SYNE2: variants seen among roughly 807,000 people sequenced by gnomAD.
SYNE2 encodes the protein spectrin repeat containing nuclear envelope protein 2, also known as nesprin-2.
Under a neutral mutation model 856.3 loss-of-function variants are expected in SYNE2, and 431 were observed. That is an observed-to-expected ratio of 0.50 (90% CI 0.47 to 0.55). The LOEUF (loss-of-function observed/expected upper bound fraction) is 0.55, where lower values mean the gene tolerates loss of function less well. SYNE2 is among the 20% of genes least tolerant of loss of function. SYNE2 has a pLI of 0.00. For synonymous variants in SYNE2, 2,923 were observed against 2,872.3 expected, an observed-to-expected ratio of 1.02 and a Z score of -0.56; for missense variants, 8,129 against 8,023.2, an observed-to-expected ratio of 1.01 and a Z score of -0.50.
Position 64,087,093 on chromosome 14 carries a change from T to TAAAA in SYNE2, c.11485-562_11485-559dup, listed in dbSNP as rs56917782. On this transcript the variant is annotated intron_variant, in intron 57 of 115. Coordinates refer to ENST00000555002, the MANE Select transcript of SYNE2 (RefSeq NM_182914.3). ...TGATGCTGTTGTCAGTGATAATTGG[T>TAAAA]AAAAAAAAAAAAAAAAAAAGCATTG... Among the ~76,000 whole-genome samples the TAAAA allele has an allele frequency of 4.5e-3, 441 of 98,422 alleles. 10 individuals carry two copies. Among genetic ancestry groups the TAAAA allele is most frequent in the African/African-American group, 0.012 (336 of 27,056 alleles). The allele number at this position is 98,422 out of a possible 152,430, so 64.6% of individuals were successfully genotyped here.
chr14:64,006,165 G>GTGAGCAGTTT (rs574363416), intron 30 of SYNE2, among the ~76,000 whole-genome samples: 47 of 152,344 alleles, frequency 3.1e-4, no homozygotes, highest in African/African-American at 1.1e-3. Context: ...AGTAGAGGCT[G>GTGAGCAGTTT]TGAGCAGTTT....
intron 107 of SYNE2, 49 bp from the exon 108 acceptor site, chr14:64,216,199 C>G (rs1249978932): frequency 6.2e-7 from 1 of 1,612,228 alleles, no homozygotes; most frequent in Admixed American, 1.7e-5. Context: ...TCACCCGTGA[C>G]CCGTTCAGTA....
intron 8 of SYNE2, among the ~76,000 whole-genome samples, chr14:63,955,568 AT>A (rs1284005877): frequency 6.6e-6 from 1 of 152,196 alleles, no homozygotes; most frequent in Non-Finnish European, 1.5e-5. Context: ...ATAGAGGTAT[AT>A]GGGATTAGTG....
In SYNE2 at chr14:64,212,975, G is replaced by T; in HGVS notation, c.19026G>T (p.Arg6342=). The change falls in exon 105 of 116, where the codon CGG becomes CGT. Residue 6342 remains arginine, a synonymous_variant. Transcript: ENST00000555002. ...AGGAGGTGTTTGGAAGGGTCTCCCGGTTCCACCGGCGGCTCACCTCCTGCA... is the reference window on the plus strand; with the variant it reads ...AGGAGGTGTTTGGAAGGGTCTCCCGTTTCCACCGGCGGCTCACCTCCTGCA... ...YCQEVFGRVS[R]FHRRLTSCTP... 6.2e-7 allele frequency: 1 copy of T among 1,613,940 alleles called. No homozygotes were observed. The highest frequency in any genetic ancestry group is 2.2e-5 in the East Asian group (1 of 44,886).
At chr14:63,997,266 C>T (rs1312906515) in intron 24 of SYNE2, 35 bp from the exon 25 acceptor site, 1 of 1,598,572 alleles carries the variant, frequency 6.3e-7, no homozygotes, top group African/African-American at 1.3e-5. Flanking sequence ...TTTTTCTTAC[C>T]CTCTTTTAAA....
intron 1 of SYNE2, among the ~76,000 whole-genome samples, chr14:63,773,828 C>T (rs1215852580): frequency 2.0e-5 from 3 of 152,180 alleles, no homozygotes; most frequent in African/African-American, 7.2e-5. Context: ...ATGCATTTGC[C>T]TCTGATGATC....
chr14:63,893,977 C>CAG (rs1015022918), intron 1 of SYNE2, among the ~76,000 whole-genome samples: 12 of 152,168 alleles, frequency 7.9e-5, no homozygotes, highest in African/African-American at 2.9e-4. Context: ...GAGTAGGGAG[C>CAG]AGAGATGAGT....
chr14:64,196,014 T>A (rs1737206373), intron 99 of SYNE2, among the ~76,000 whole-genome samples: 1 of 152,066 alleles, frequency 6.6e-6, no homozygotes, highest in Non-Finnish European at 1.5e-5. Flanking sequence ...GGAAAGAGGA[T>A]AATGAGCAAG....
Position 64,167,619 on chromosome 14 carries a change from G to A in SYNE2, c.16885G>A (p.Glu5629Lys). 5 of 1,614,160 alleles carry A rather than the reference G, an allele frequency of 3.1e-6. No individual in the cohort carries two copies. Among genetic ancestry groups the A allele is most frequent in the Non-Finnish European group, 8.5e-7 (1 of 1,180,034 alleles). Reference sequence around the variant, plus strand: ...GGCTAACAGCCTTCCTGAGCTCCTGGAGCAGCAGAAAACCTATAAGGTAAA... The same window carrying A: ...GGCTAACAGCCTTCCTGAGCTCCTGAAGCAGCAGAAAACCTATAAGGTAAA... ...DVANSLPELLEQQKTYKMLEA... is the reference protein window; with the variant it reads ...DVANSLPELLKQQKTYKMLEA... Residue 5629 changes from glutamate to lysine, a missense_variant, in exon 92 of 116, where the codon GAG (glutamate) becomes AAG (lysine). By Grantham distance (56) the Glu-to-Lys change is moderately conservative. Around this residue, in one of 3 missense-constraint regions of SYNE2, gnomAD observed 5,410 missense variants for 5,284.8 expected, o/e 1.02. Transcript: ENST00000555002.
In SYNE2 at chr14:64,214,365, G is replaced by C; in HGVS notation, c.19228G>C (p.Val6410Leu). The C allele has an allele frequency of 6.2e-7, 1 of 1,614,130 alleles. No individual in the cohort carries two copies. The highest frequency in any genetic ancestry group is 8.5e-7 in the Non-Finnish European group (1 of 1,180,010). Reference sequence around the variant, plus strand: ...CGAGCGGTCTGGCTGCGAGACCCCTGTCAGCGTGGACTCCATCCCCCTGGA... The same window carrying C: ...CGAGCGGTCTGGCTGCGAGACCCCTCTCAGCGTGGACTCCATCCCCCTGGA... ...GHERSGCETP[V>L]SVDSIPLEWD... Residue 6410 changes from valine to leucine, a missense_variant, in exon 106 of 116, where the codon GTC becomes CTC. Coordinates refer to ENST00000555002, the MANE Select transcript of SYNE2 (RefSeq NM_182914.3).
At chr14:64,023,790 C>A in intron 38 of SYNE2, 1 of 216,234 alleles carries the variant, frequency 4.6e-6, no homozygotes, top group Non-Finnish European at 9.3e-6. Flanking sequence ...TTGATGGTAC[C>A]ATTCTTTACT....
chr14:63,990,652 G>T, intron 20 of SYNE2, 83 bp downstream of exon 20: 1 of 1,199,428 alleles, frequency 8.3e-7, no homozygotes. Context: ...GGGGGTGATA[G>T]CCCTGTAGCT....
At chr14:64,163,671 C>A in intron 89 of SYNE2, 90 bp downstream of exon 89, 1 of 1,474,464 alleles carries the variant, frequency 6.8e-7, no homozygotes, top group Non-Finnish European at 9.3e-7. Context: ...TAGTGCTTTA[C>A]GGGCTGCTCC....
At chr14:64,017,220 A>G (rs1340562995) in intron 33 of SYNE2, among the ~76,000 whole-genome samples, 1 of 149,818 alleles carries the variant, frequency 6.7e-6, no homozygotes, top group Admixed American at 6.7e-5. Flanking sequence ...TCTCAACTAC[A>G]CGGGAGGCTG....
intron 11 of SYNE2, among the ~76,000 whole-genome samples, chr14:63,974,144 A>C (rs1184717037): frequency 6.6e-6 from 1 of 152,240 alleles, no homozygotes; most frequent in African/African-American, 2.4e-5. Flanking sequence ...ACAGAAAGAT[A>C]AAATACAGAC....
intron 8 of SYNE2, among the ~76,000 whole-genome samples, chr14:63,959,070 G>A (rs1435170742): frequency 6.6e-6 from 1 of 152,030 alleles, no homozygotes; most frequent in Non-Finnish European, 1.5e-5. Flanking sequence ...CTTAGGATCA[G>A]TCATTTCTCC....
intron 1 of SYNE2, among the ~76,000 whole-genome samples, chr14:63,802,865 G>A (rs554975371): frequency 5.3e-5 from 8 of 152,128 alleles, no homozygotes; most frequent in South Asian, 4.2e-4. Context: ...TGGTGGGCTC[G>A]TGGTCTCCCT....
intron 51 of SYNE2, among the ~76,000 whole-genome samples, chr14:64,070,326 G>T (rs1317838157): frequency 6.6e-6 from 1 of 152,212 alleles, no homozygotes; most frequent in Non-Finnish European, 1.5e-5. Context: ...TGGAGCTCAT[G>T]TGCTTATCTC....
At chr14:64,093,181 T>C (rs567417343) in intron 60 of SYNE2, among the ~76,000 whole-genome samples, 168 bp from the exon 61 acceptor site, 1 of 152,324 alleles carries the variant, frequency 6.6e-6, no homozygotes, top group South Asian at 2.1e-4. Context: ...AGGTGTCAGC[T>C]TTGCAAACAT....
Sources: gnomAD v4.1 joint callset for allele counts (sites outside exome capture counted in the v4.1 genomes callset) on GRCh38, gnomAD v4.1.1 for gene constraint, gnomAD v4.1.1 regional missense constraint, MANE v1.5 for transcripts, NCBI Gene and HGNC (gene_info 2026-07-23, HGNC 2026-07-21) for gene names.